Variants in ADAM15 observed in about 807,000 individuals in gnomAD.
The protein encoded by ADAM15 is ADAM metallopeptidase domain 15.
Under a neutral mutation model 113.8 loss-of-function variants are expected in ADAM15, and 77 were observed. The ratio of observed to expected loss-of-function variants is 0.68; its 90% CI spans 0.56 to 0.82. The LOEUF is 0.82. Ranked by LOEUF, ADAM15 falls within the 40% of genes least tolerant of loss-of-function variation. The pLI is 0.00. For synonymous variants in ADAM15, 388 were observed against 454.1 expected (o/e 0.85, Z 1.85); for missense variants, 963 against 1,120.1 (o/e 0.86, Z 2.00).
At chr1:155,052,907 C>A in intron 2 of ADAM15, 130 bp downstream of exon 2, 1 of 1,252,820 alleles carries the variant, frequency 8.0e-7, no homozygotes, top group Non-Finnish European at 1.1e-6. Context: ...ATCCCAGGCC[C>A]AGCTGCCTCT....
At position 155,056,579 on chromosome 1, in the gene ADAM15, G is replaced by T. The variant is rs537825477; in HGVS notation, c.999+109G>T. 26 of 1,059,930 alleles carry T rather than the reference G, an allele frequency of 2.5e-5. No individual in the cohort carries two copies. In the East Asian group the frequency reaches 6.0e-4, roughly 24 times the overall value. 65.7% of individuals were successfully genotyped at this position (1,059,930 alleles called of 1,614,324 possible). On this transcript the variant is annotated intron_variant, in intron 10 of 22. Transcript: ENST00000356955. This position sits in a 1 kb window ranked among gnomAD's most constrained non-coding sequence, Gnocchi z 4.0. ...AAAGTTGCCCAACCCCAAAGCTACAGGTATAGAGGGTGGAGGTACGTGATG... is the reference window on the plus strand; with the variant it reads ...AAAGTTGCCCAACCCCAAAGCTACATGTATAGAGGGTGGAGGTACGTGATG...
chr1:155,061,062 C>T lies in ADAM15; in HGVS notation c.2277+230C>T, dbSNP rs191988895. On this transcript the variant is annotated intron_variant, in intron 19 of 22. Transcript: ENST00000356955. ...AGCTGGAGCAGGAGCTGCTGGGCTC[C>T]GTCCGCTGGCCAAGAGGTGGCTTTG... 9.8e-4 allele frequency: 575 copies of T among 585,896 alleles called. 1 individual carries two copies. Among genetic ancestry groups the T allele is most frequent in the African/African-American group, 1.6e-3 (88 of 53,868 alleles). 36.3% of individuals were successfully genotyped at this position (585,896 alleles called of 1,614,324 possible).
Position 155,054,451 on chromosome 1 carries a change from C to G in ADAM15, c.557C>G (p.Ser186Cys). 1 of 1,612,486 alleles carries G rather than the reference C, an allele frequency of 6.2e-7. No individual in the cohort carries two copies. The highest frequency in any genetic ancestry group is 8.5e-7 in the Non-Finnish European group (1 of 1,179,240). ...ACCTGTGCCCTGAGCTGGCGGGAATCTGTACACACTCAGAAGCCACCAGAG... is the reference window on the plus strand; with the variant it reads ...ACCTGTGCCCTGAGCTGGCGGGAATGTGTACACACTCAGAAGCCACCAGAG... ...GHTCALSWRE[S>C]VHTQKPPEHP... The change falls in exon 6 of 23, where the codon TCT becomes TGT. Residue 186 changes from serine (S) to cysteine (C), a missense_variant. Ser to Cys is a moderately radical substitution (Grantham distance 112, BLOSUM62 -1). Coordinates refer to ENST00000356955, the MANE Select transcript of ADAM15 (RefSeq NM_207197.3).
intron 3 of ADAM15, 34 bp from the exon 4 acceptor site, chr1:155,053,872 GTGGC>G: frequency 6.2e-7 from 1 of 1,605,574 alleles, no homozygotes; most frequent in Non-Finnish European, 8.5e-7. Context: ...GACCTGGGAA[GTGGC>G]TTTAGCACTG....
Position 155,058,566 on chromosome 1 carries a change from T to C in ADAM15, c.1917+125T>C, listed in dbSNP as rs1211729257. On this transcript the variant is annotated intron_variant, in intron 15 of 22. Coordinates refer to ENST00000356955, the MANE Select transcript of ADAM15 (RefSeq NM_207197.3). This position sits in a 1 kb window ranked among gnomAD's most constrained non-coding sequence, Gnocchi z 4.3. ...ACTCCAAGGGAAGTCAGTTTCTTAC[T>C]TCAGATGGAGCAAAGTCCTATCAAC... 1 of 1,549,702 alleles carries C rather than the reference T, an allele frequency of 6.5e-7. No homozygotes were observed. Among genetic ancestry groups the C allele is most frequent in the African/African-American group, 1.4e-5 (1 of 73,092 alleles).
At position 155,054,071 on chromosome 1, in the gene ADAM15, T is replaced by A. The variant is rs1661443455; in HGVS notation, c.343-79T>A. Reference sequence around the variant, plus strand: ...GGAAGGTGAGAGGACACTGCATATTTTTACCGTCAAGCTAGGCTCCTCAGT... The same window carrying A: ...GGAAGGTGAGAGGACACTGCATATTATTACCGTCAAGCTAGGCTCCTCAGT... On this transcript the variant is annotated intron_variant, in intron 4 of 22. Coordinates refer to ENST00000356955, the MANE Select transcript of ADAM15 (RefSeq NM_207197.3). 5 of 1,612,108 alleles carry A rather than the reference T, an allele frequency of 3.1e-6. No individual in the cohort carries two copies. In the South Asian group the frequency reaches 5.5e-5, roughly 18 times the overall value.
rs768473378 is a variant in ADAM15 at position 155,062,456 on chromosome 1, C to G, written c.2550-4C>G. ...CTCTTTTTTCTTGGCTTCCCGCAAT[C>G]CAGACCAGCGCCACCGCCTCCGACA... On this transcript the variant is annotated splice_region_variant and splice_polypyrimidine_tract_variant and intron_variant, in intron 22 of 22. Transcript: ENST00000356955. The surrounding 1 kb of genome is among the most constrained non-coding windows in gnomAD (Gnocchi z 7.0). 8 of 1,613,328 alleles carry G rather than the reference C, an allele frequency of 5.0e-6. No individual in the cohort carries two copies. The highest frequency in any genetic ancestry group is 4.4e-5 in the South Asian group (4 of 91,056).
rs769976209 is a variant in ADAM15, at chr1:155,058,267, C to T, written c.1743C>T (p.Leu581=). The T allele has an allele frequency of 8.7e-6, 14 of 1,613,974 alleles. No homozygotes were observed. The highest frequency in any genetic ancestry group is 1.2e-5 in the Non-Finnish European group (14 of 1,180,040). ...CTPRDAICGQ[L]QCQTGRTQPL... is the part of the protein sequence containing the mutation. ...ACAGAGATGCCATTTGTGGGCAGCT[C>T]CAGTGCCAGACAGGTAGGACCCAGC... is the stretch of plus-strand genomic sequence containing the variant. The change falls in exon 15 of 23, where the codon CTC becomes CTT. Residue 581 remains leucine, a synonymous_variant. Coordinates refer to ENST00000356955, the MANE Select transcript of ADAM15 (RefSeq NM_207197.3). This position sits in a 1 kb window ranked among gnomAD's most constrained non-coding sequence, Gnocchi z 4.3.
intron 6 of ADAM15, among the ~76,000 whole-genome samples, chr1:155,054,723 A>G (rs1364889232): frequency 6.6e-6 from 1 of 152,152 alleles, no homozygotes; most frequent in Non-Finnish European, 1.5e-5. Flanking sequence ...TACAAAAAGT[A>G]TCTGGGCATG....
chr1:155,054,665 C>T (rs936036525), intron 6 of ADAM15, among the ~76,000 whole-genome samples, 159 bp downstream of exon 6: 1 of 152,058 alleles, frequency 6.6e-6, no homozygotes, highest in Non-Finnish European at 1.5e-5. Flanking sequence ...CCTCCCATAC[C>T]TAGGAGGTAG....
Position 155,061,929 on chromosome 1 carries a change from C to A in ADAM15, c.2378C>A (p.Pro793His). The change falls in exon 21 of 23, where the codon CCC becomes CAC. Residue 793 changes from proline (P) to histidine (H), a missense_variant. Transcript: ENST00000356955. ...LQAELADRPN[P>H]PTRPLPADPV... ...GCTGAGCTGGCTGACCGACCCAATC[C>A]CCCTACCCGCCCTCTGCCCGCTGAC... The A allele has an allele frequency of 6.4e-7, 1 of 1,566,294 alleles. No individual in the cohort carries two copies. The highest frequency in any genetic ancestry group is 8.7e-7 in the Non-Finnish European group (1 of 1,153,958).
rs748174833 is a variant in ADAM15, at chr1:155,058,264, G to C, written c.1740G>C (p.Gln580His). Residue 580 changes from glutamine (Q) to histidine (H), a missense_variant, in exon 15 of 23, where the codon CAG (glutamine) becomes CAC (histidine). Gln to His is a conservative substitution (Grantham distance 24). Coordinates refer to ENST00000356955, the MANE Select transcript of ADAM15 (RefSeq NM_207197.3). This position sits in a 1 kb window ranked among gnomAD's most constrained non-coding sequence, Gnocchi z 4.3. The stretch of plus-strand genomic sequence containing the variant: ...CCCACAGAGATGCCATTTGTGGGCA[G>C]CTCCAGTGCCAGACAGGTAGGACCC... ...SCTPRDAICG[Q>H]LQCQTGRTQP... 1.9e-6 allele frequency: 3 copies of C among 1,614,066 alleles called. No homozygotes were observed. The East Asian group carries it at 6.7e-5, about 36-fold the overall frequency.
rs939194837 is a variant in ADAM15 at position 155,056,566 on chromosome 1, C to T, written c.999+96C>T. ...GAAACCCCCCTATAAAGTTGCCCAA[C>T]CCCAAAGCTACAGGTATAGAGGGTG... On this transcript the variant is annotated intron_variant, in intron 10 of 22. Coordinates refer to ENST00000356955, the MANE Select transcript of ADAM15 (RefSeq NM_207197.3). This position sits in a 1 kb window ranked among gnomAD's most constrained non-coding sequence, Gnocchi z 4.0. The T allele has an allele frequency of 1.4e-5, 17 of 1,237,346 alleles. No individual in the cohort carries two copies. The African/African-American group carries it at 2.5e-4, about 18-fold the overall frequency. 76.6% of individuals were successfully genotyped at this position (1,237,346 alleles called of 1,614,324 possible). A position where few individuals can be genotyped will look rare whatever the true frequency, so the allele number is the denominator to read the frequency against.
rs1235310603 is a variant in ADAM15, at chr1:155,053,400, C to T, written c.187-17C>T. 6.2e-7 allele frequency: 1 copy of T among 1,613,134 alleles called. No homozygotes were observed. The highest frequency in any genetic ancestry group is 8.5e-7 in the Non-Finnish European group (1 of 1,179,470). Reference sequence around the variant, plus strand: ...TGGACAGGTCTAGGGAGGTGACCTGCCCTCTGGTGCCCACAGACCAGTCTG... The same window carrying T: ...TGGACAGGTCTAGGGAGGTGACCTGTCCTCTGGTGCCCACAGACCAGTCTG... On this transcript the variant is annotated splice_polypyrimidine_tract_variant and intron_variant, in intron 2 of 22. Coordinates refer to ENST00000356955, the MANE Select transcript of ADAM15 (RefSeq NM_207197.3).
chr1:155,056,863 C>T lies in ADAM15; in HGVS notation c.1000-90C>T, dbSNP rs114509629. On this transcript the variant is annotated intron_variant, in intron 10 of 22. Transcript: ENST00000356955. The surrounding 1 kb of genome is among the most constrained non-coding windows in gnomAD (Gnocchi z 4.0). ...CCTGCTGAGTGCCCACGAGGTCAGA[C>T]GTGGAGGGAACAGGAGCAGAGAGGG... is the stretch of plus-strand genomic sequence containing the variant. The T allele has an allele frequency of 6.2e-4, 920 of 1,494,958 alleles. 3 individuals carry two copies. In the African/African-American group the frequency reaches 0.011, roughly 18 times the overall value. The allele number at this position is 1,494,958 out of a possible 1,614,324, so 92.6% of individuals were successfully genotyped here. A position where few individuals can be genotyped will look rare whatever the true frequency, so the allele number is the denominator to read the frequency against.
In ADAM15 at chr1:155,057,445, T is replaced by C; in HGVS notation, c.1323+83T>C. 5 of 1,572,916 alleles carry C rather than the reference T, an allele frequency of 3.2e-6. No homozygotes were observed. In the South Asian group the frequency reaches 4.6e-5, roughly 14 times the overall value. ...TTAGCCCTATCCCAGCCTCCTGAGC[T>C]CTTGGGTTCTGAAGGGACTTTCCAC... On this transcript the variant is annotated intron_variant, in intron 12 of 22. Coordinates refer to ENST00000356955, the MANE Select transcript of ADAM15 (RefSeq NM_207197.3). The surrounding 1 kb of genome is among the most constrained non-coding windows in gnomAD (Gnocchi z 5.0).
chr1:155,052,402 C>A, intron 1 of ADAM15: 1 of 1,199,404 alleles, frequency 8.3e-7, no homozygotes, highest in Non-Finnish European at 1.2e-6. Context: ...CTGGGATTGG[C>A]CGGAAGGGGA....
At chr1:155,052,509 C>A in intron 1 of ADAM15, 162 bp from the exon 2 acceptor site, 1 of 1,541,760 alleles carries the variant, frequency 6.5e-7, no homozygotes. Flanking sequence ...GACACCCTCT[C>A]CTTCCAGTAT....
rs139975266 is a variant in ADAM15 at position 155,055,752 on chromosome 1, C to T, written c.613-38C>T. ...GCCCGGCACAGCTGCTGGCTGCGAG[C>T]GGCAGGTTTGCCTGATAATTCTTCT... On this transcript the variant is annotated intron_variant, in intron 6 of 22. Transcript: ENST00000356955. The T allele has an allele frequency of 2.2e-3, 3,476 of 1,611,090 alleles. 5 individuals are homozygous for T. Among genetic ancestry groups the T allele is most frequent in the Non-Finnish European group, 2.5e-3 (2,968 of 1,177,372 alleles).
Sources: gnomAD v4.1 joint callset for allele counts (sites outside exome capture counted in the v4.1 genomes callset) on GRCh38, gnomAD v4.1.1 for gene constraint, Gnocchi (gnomAD v3.1) non-coding constraint, MANE v1.5 for transcripts, NCBI Gene and HGNC (gene_info 2026-07-23, HGNC 2026-07-21) for gene names.